The following SAMD5 variants were observed in gnomAD, a reference collection of about 807,000 sequenced individuals.
SAMD5 encodes sterile alpha motif domain containing 5, also known as sterile alpha motif domain-containing protein 5.
SAMD5 carries 13 observed loss-of-function variants against 11.3 expected under a neutral mutation model. That is an observed-to-expected ratio of 1.15 (90% CI 0.75 to 1.83). SAMD5 has a LOEUF of 1.83. Ranked by LOEUF, SAMD5 falls within the 40% of genes most tolerant of loss-of-function variation. The pLI, the probability that SAMD5 is intolerant of heterozygous loss-of-function variation, is 0.00. For synonymous variants in SAMD5, 129 were observed against 111.3 expected (o/e 1.16, Z -1.00); for missense variants, 255 against 239.1 (o/e 1.07, Z -0.44).
At chr6:147,619,846 A>G (rs947610951) in intron 1 of SAMD5, among the ~76,000 whole-genome samples, 1 of 152,166 alleles carries the variant, frequency 6.6e-6, no homozygotes, top group Non-Finnish European at 1.5e-5. Context: ...TCAAAGGCTG[A>G]TACCCAGTCC....
chr6:147,585,095 T>C (rs71566485), intron 1 of SAMD5, among the ~76,000 whole-genome samples: 12,384 of 152,134 alleles, frequency 0.081, 857 homozygotes, highest in East Asian at 0.29. Flanking sequence ...CTCACCCACT[T>C]CCATGAGCCA....
At chr6:147,868,802 T>C in the SAMD5 span, among the ~76,000 whole-genome samples, 1 of 152,208 alleles carries the variant, frequency 6.6e-6, no homozygotes, top group Non-Finnish European at 1.5e-5. Context: ...AACCAGGCAG[T>C]GTGCAGATAT....
At chr6:147,637,571 C>G (rs1173108728) in intron 1 of SAMD5, among the ~76,000 whole-genome samples, 4 of 152,190 alleles carry the variant, frequency 2.6e-5, no homozygotes, top group Non-Finnish European at 5.9e-5. Flanking sequence ...TACATCTCAG[C>G]AGGGCTAGGC....
intron 1 of SAMD5, among the ~76,000 whole-genome samples, chr6:147,736,246 G>A (rs1021208387): frequency 6.6e-6 from 1 of 152,102 alleles, no homozygotes; most frequent in Non-Finnish European, 1.5e-5. Context: ...ATAATGTAAG[G>A]TACAAAGAAC....
In SAMD5 at chr6:147,525,513, C is replaced by T. The variant is rs147106482; in HGVS notation, c.459+16126C>T. On this transcript the variant is annotated intron_variant, in intron 1 of 1. Coordinates refer to ENST00000367474, the MANE Select transcript of SAMD5 (RefSeq NM_001030060.3). ...TCAGTAAACTCTATTAATTGATATC[C>T]GAAGTGTTAGTAGCTAGAGGTTACA... Among the ~76,000 whole-genome samples, 439 of 151,582 alleles carry T rather than the reference C, an allele frequency of 2.9e-3. 2 individuals carry two copies. Among genetic ancestry groups the T allele is most frequent in the African/African-American group, 9.9e-3 (410 of 41,252 alleles).
chr6:147,845,991 G>A, the SAMD5 span, among the ~76,000 whole-genome samples: 6 of 152,058 alleles, frequency 3.9e-5, no homozygotes, highest in South Asian at 4.1e-4. Flanking sequence ...ATCAAGAGGC[G>A]TACAATTAAA....
the SAMD5 span, among the ~76,000 whole-genome samples, chr6:147,830,254 T>TC: frequency 1.8e-4 from 14 of 78,518 alleles, no homozygotes; most frequent in African/African-American, 8.7e-4. Flanking sequence ...TTTCTTTCTT[T>TC]TTTTTTTTTT....
chr6:147,535,234 T>C (rs2128441499), intron 1 of SAMD5, among the ~76,000 whole-genome samples: 1 of 152,320 alleles, frequency 6.6e-6, no homozygotes, highest in African/African-American at 2.4e-5. Flanking sequence ...TTTGTAATTG[T>C]GTGAGCGTGC....
intron 1 of SAMD5, among the ~76,000 whole-genome samples, chr6:147,526,225 T>C (rs1360762826): frequency 6.6e-6 from 1 of 152,240 alleles, no homozygotes; most frequent in Admixed American, 6.5e-5. Flanking sequence ...GTTTCATATT[T>C]GTGTTTAATT....
intron 1 of SAMD5, among the ~76,000 whole-genome samples, chr6:147,558,286 G>T (rs1194571802): frequency 6.6e-5 from 10 of 152,146 alleles, no homozygotes; most frequent in Non-Finnish European, 1.2e-4. Flanking sequence ...AGCCTGATGA[G>T]AGCCAGGCAA....
chr6:147,921,693 G>A, the SAMD5 span, among the ~76,000 whole-genome samples: 1 of 152,144 alleles, frequency 6.6e-6, no homozygotes, highest in East Asian at 1.9e-4. Context: ...GGATCGAGGT[G>A]ATTCTGTTTT....
the SAMD5 span, among the ~76,000 whole-genome samples, chr6:147,794,756 A>G: frequency 8.5e-5 from 13 of 152,300 alleles, no homozygotes; most frequent in East Asian, 2.5e-3. Flanking sequence ...GAACAGATGT[A>G]CAATATTTCT....
chr6:147,793,287 A>G, the SAMD5 span, among the ~76,000 whole-genome samples: 2 of 152,252 alleles, frequency 1.3e-5, no homozygotes, highest in South Asian at 2.1e-4. Flanking sequence ...ATAAATCCCA[A>G]CTGAGGGACG....
intron 1 of SAMD5, among the ~76,000 whole-genome samples, chr6:147,640,726 T>C (rs1237879790): frequency 6.6e-6 from 1 of 151,980 alleles, no homozygotes; most frequent in East Asian, 1.9e-4. Flanking sequence ...TAAATAAAAT[T>C]GTATGATGAT....
At chr6:147,757,644 G>A in the SAMD5 span, among the ~76,000 whole-genome samples, 1 of 152,198 alleles carries the variant, frequency 6.6e-6, no homozygotes, top group Admixed American at 6.5e-5. Context: ...GTCTGTGGAT[G>A]TGTTTAAGGA....
At chr6:147,576,660 A>G (rs1454414053) in intron 1 of SAMD5, among the ~76,000 whole-genome samples, 2 of 152,202 alleles carry the variant, frequency 1.3e-5, no homozygotes, top group Non-Finnish European at 2.9e-5. Context: ...CTAGCAACCC[A>G]ATAAACAATT....
chr6:147,532,234 C>T (rs1788441073), intron 1 of SAMD5, among the ~76,000 whole-genome samples: 1 of 152,072 alleles, frequency 6.6e-6, no homozygotes, highest in Admixed American at 6.5e-5. Context: ...CACCTGTCAC[C>T]TGAGCAGTGC....
At chr6:147,789,931 A>G in the SAMD5 span, among the ~76,000 whole-genome samples, 1 of 152,240 alleles carries the variant, frequency 6.6e-6, no homozygotes, top group East Asian at 1.9e-4. Context: ...CAAAAGCCTG[A>G]CGATACTAAT....
intron 1 of SAMD5, among the ~76,000 whole-genome samples, chr6:147,620,731 G>A (rs1012985871): frequency 3.9e-5 from 6 of 152,180 alleles, no homozygotes; most frequent in African/African-American, 1.2e-4. Context: ...CTGGAAGGAC[G>A]TGGCTGGCTT....
Sources: allele counts gnomAD v4.1 joint callset (sites outside exome capture counted in the v4.1 genomes callset), GRCh38; gene constraint gnomAD v4.1.1; transcripts MANE v1.5; gene names NCBI Gene and HGNC (gene_info 2026-07-23, HGNC 2026-07-21).